CPQ: variants seen among roughly 807,000 people sequenced by gnomAD.
CPQ encodes carboxypeptidase Q, also known as Ser-Met dipeptidase.
A neutral mutation model predicts 45.7 loss-of-function variants in CPQ; 37 were observed. The ratio of observed to expected loss-of-function variants is 0.81; its 90% CI spans 0.62 to 1.07. The LOEUF (loss-of-function observed/expected upper bound fraction) is 1.07, where lower values mean the gene tolerates loss of function less well. CPQ is among the 50% of genes least tolerant of loss of function. The pLI is 0.00. For synonymous variants in CPQ, 186 were observed against 205.8 expected (o/e 0.90, Z 0.82); for missense variants, 537 against 572.9 (o/e 0.94, Z 0.64).
chr8:96,864,916 T>A (rs1811976952), intron 3 of CPQ, among the ~76,000 whole-genome samples: 1 of 152,002 alleles, frequency 6.6e-6, no homozygotes, highest in Non-Finnish European at 1.5e-5. Flanking sequence ...CATTCCTAGC[T>A]GTGTGATACT....
intron 5 of CPQ, among the ~76,000 whole-genome samples, chr8:97,006,736 C>T (rs1446103417): frequency 6.6e-6 from 1 of 152,164 alleles, no homozygotes; most frequent in African/African-American, 2.4e-5. Flanking sequence ...ACAACCCTTG[C>T]TGGCAACCCA....
intron 7 of CPQ, among the ~76,000 whole-genome samples, chr8:97,118,248 G>A (rs1217358311): frequency 6.6e-6 from 1 of 151,930 alleles, no homozygotes; most frequent in Non-Finnish European, 1.5e-5. Context: ...CTTTTTTTCT[G>A]GAAAATGTTC....
chr8:96,990,307 T>C (rs919730189), intron 5 of CPQ, among the ~76,000 whole-genome samples: 10 of 152,190 alleles, frequency 6.6e-5, no homozygotes, highest in Non-Finnish European at 1.5e-4. Flanking sequence ...CCCAAGCCTA[T>C]GTTTTTGTCT....
intron 4 of CPQ, among the ~76,000 whole-genome samples, chr8:96,891,519 G>A (rs1278722361): frequency 2.0e-5 from 3 of 152,068 alleles, no homozygotes; most frequent in Non-Finnish European, 4.4e-5. Context: ...TTTGTTCATG[G>A]GCCCATTGAG....
In CPQ at chr8:96,912,568, G is replaced by A. The variant is rs114984689; in HGVS notation, c.849+32563G>A. Reference sequence around the variant, plus strand: ...ATAAACAGGTTATTATTTTTTCATAGATGTATTAAATCAGACATGTGCTAG... The same window carrying A: ...ATAAACAGGTTATTATTTTTTCATAAATGTATTAAATCAGACATGTGCTAG... On this transcript the variant is annotated intron_variant, in intron 4 of 7. Coordinates refer to ENST00000220763, the MANE Select transcript of CPQ (RefSeq NM_016134.4). 5.6e-3 allele frequency among the ~76,000 whole-genome samples: 849 copies of A among 152,232 alleles called. 7 individuals carry two copies. Among genetic ancestry groups the A allele is most frequent in the African/African-American group, 0.018 (746 of 41,542 alleles).
At chr8:96,852,067 C>G (rs1811778100) in intron 3 of CPQ, among the ~76,000 whole-genome samples, 1 of 152,216 alleles carries the variant, frequency 6.6e-6, no homozygotes, top group African/African-American at 2.4e-5. Flanking sequence ...CAATCCGTTA[C>G]CATCACTTTT....
intron 1 of CPQ, among the ~76,000 whole-genome samples, chr8:96,756,695 T>A (rs1810330509): frequency 6.6e-6 from 1 of 152,220 alleles, no homozygotes; most frequent in African/African-American, 2.4e-5. Context: ...GGAAATGTTT[T>A]GGGTTTAATT....
chr8:97,065,956 G>T, intron 6 of CPQ, 53 bp from the exon 7 acceptor site: 1 of 1,551,132 alleles, frequency 6.4e-7, no homozygotes, highest in South Asian at 1.1e-5. Flanking sequence ...AGTTCCCAAG[G>T]AGAAAGCACT....
chr8:96,734,735 A>T (rs199535570), intron 1 of CPQ, among the ~76,000 whole-genome samples: 41 of 60,602 alleles, frequency 6.8e-4, no homozygotes, highest in Middle Eastern at 0.011. Flanking sequence ...ATAAAATAAA[A>T]TAAATAAAAT....
intron 6 of CPQ, among the ~76,000 whole-genome samples, chr8:97,056,791 G>A (rs1333958648): frequency 3.9e-5 from 6 of 152,140 alleles, no homozygotes; most frequent in African/African-American, 1.2e-4. Context: ...CGTTAGCTAG[G>A]TTCTGAGAAT....
intron 2 of CPQ, among the ~76,000 whole-genome samples, chr8:96,819,849 C>T (rs988039625): frequency 6.6e-6 from 1 of 151,998 alleles, no homozygotes; most frequent in African/African-American, 2.4e-5. Context: ...GTTTCATCTC[C>T]TGTTACAGTT....
At chr8:97,062,618 C>T (rs1027395801) in intron 6 of CPQ, among the ~76,000 whole-genome samples, 1 of 152,102 alleles carries the variant, frequency 6.6e-6, no homozygotes, top group African/African-American at 2.4e-5. Flanking sequence ...GATCTTCTCC[C>T]TCCTTCCACC....
rs181234473 is a variant in CPQ, at chr8:97,068,029, C to T, written c.1255+1819C>T. Among the ~76,000 whole-genome samples, 293 of 152,152 alleles carry T rather than the reference C, an allele frequency of 1.9e-3. 1 individual carries two copies. The highest frequency in any genetic ancestry group is 3.1e-3 in the Non-Finnish European group (210 of 67,994). ...GACTGTGGGTGAATGAGAGTGCAGA[C>T]GGGGGGTGGTTCAAGGTGAGGTAAG... On this transcript the variant is annotated intron_variant, in intron 7 of 7. Coordinates refer to ENST00000220763, the MANE Select transcript of CPQ (RefSeq NM_016134.4).
At chr8:97,115,399 G>A (rs1175493969) in intron 7 of CPQ, among the ~76,000 whole-genome samples, 3 of 152,190 alleles carry the variant, frequency 2.0e-5, no homozygotes, top group Non-Finnish European at 4.4e-5. Flanking sequence ...TCTAGTTAGT[G>A]GGCCTGTGTT....
intron 1 of CPQ, among the ~76,000 whole-genome samples, chr8:96,687,979 T>C (rs1038135266): frequency 6.6e-6 from 1 of 152,060 alleles, no homozygotes; most frequent in Admixed American, 6.6e-5. Flanking sequence ...TTTATTTAGG[T>C]TTTCCATATT....
intron 1 of CPQ, among the ~76,000 whole-genome samples, chr8:96,679,561 C>A (rs1014497197): frequency 1.3e-5 from 2 of 151,696 alleles, no homozygotes; most frequent in African/African-American, 4.9e-5. Context: ...CTGGTCTTTT[C>A]TTAACTTGAG....
chr8:96,904,182 T>C (rs1173126961), intron 4 of CPQ, among the ~76,000 whole-genome samples: 2 of 151,642 alleles, frequency 1.3e-5, no homozygotes, highest in African/African-American at 4.9e-5. Context: ...CCAACTTTTC[T>C]TTAACATCTT....
chr8:96,763,292 GT>G (rs1302930362), intron 1 of CPQ, among the ~76,000 whole-genome samples: 1 of 152,070 alleles, frequency 6.6e-6, no homozygotes, highest in African/African-American at 2.4e-5. Context: ...GGATGAAAGT[GT>G]TTTTTTCCCA....
chr8:97,090,621 T>G (rs1450853170), intron 7 of CPQ, among the ~76,000 whole-genome samples: 1 of 152,148 alleles, frequency 6.6e-6, no homozygotes, highest in African/African-American at 2.4e-5. Flanking sequence ...ACCTAGGAGA[T>G]CAACCATATT....
Sources: gnomAD v4.1 joint callset for allele counts (sites outside exome capture counted in the v4.1 genomes callset) on GRCh38, gnomAD v4.1.1 for gene constraint, MANE v1.5 for transcripts, NCBI Gene and HGNC (gene_info 2026-07-23, HGNC 2026-07-21) for gene names.